Variants in RNF180 observed in about 807,000 individuals in gnomAD.
The protein encoded by RNF180 is ring finger protein 180, also known as E3 ubiquitin-protein ligase RNF180.
RNF180 carries 38 observed loss-of-function variants against 59.2 expected under a neutral mutation model. The observed-to-expected ratio is 0.64, with a 90% CI of 0.50 to 0.84. RNF180 has a LOEUF of 0.84. Among genes scored for constraint, RNF180 ranks in the 40% least tolerant of loss-of-function variants. The probability of loss-of-function intolerance (pLI) is 0.00; values close to 1 mark genes in which losing one functional copy is unlikely to be tolerated. For missense variants in RNF180, 705 were observed against 700.9 expected (o/e 1.01, Z -0.07); for synonymous variants, 262 against 240.3 (o/e 1.09, Z -0.84).
intron 5 of RNF180, among the ~76,000 whole-genome samples, chr5:64,271,722 A>G (rs1434792961): frequency 6.6e-6 from 1 of 152,084 alleles, no homozygotes; most frequent in Non-Finnish European, 1.5e-5. Flanking sequence ...GCCATAATAT[A>G]TCTCAAGATT....
intron 7 of RNF180, among the ~76,000 whole-genome samples, chr5:64,363,720 A>G (rs72752864): frequency 6.6e-6 from 1 of 151,810 alleles, no homozygotes; most frequent in Non-Finnish European, 1.5e-5. Flanking sequence ...TAGCCATCAC[A>G]TGGAATGTTT....
chr5:64,224,134 A>G (rs751399784), intron 5 of RNF180, among the ~76,000 whole-genome samples: 23 of 151,164 alleles, frequency 1.5e-4, no homozygotes, highest in Admixed American at 6.6e-4. Context: ...AAGTTATTCC[A>G]GGGTCAAAAA....
At chr5:64,350,442 G>A (rs1169122984) in intron 7 of RNF180, among the ~76,000 whole-genome samples, 2 of 152,042 alleles carry the variant, frequency 1.3e-5, no homozygotes, top group Non-Finnish European at 2.9e-5. Context: ...TTTCGCTTTT[G>A]TTGCCATTGC....
chr5:64,202,224 T>G (rs1025204111), intron 2 of RNF180, among the ~76,000 whole-genome samples: 9 of 152,228 alleles, frequency 5.9e-5, no homozygotes, highest in African/African-American at 2.2e-4. Context: ...TGCTTGTTCT[T>G]TACATTCCTT....
intron 7 of RNF180, 74 bp downstream of exon 7, chr5:64,330,480 T>A (rs1372109433): frequency 4.5e-6 from 6 of 1,331,714 alleles, no homozygotes; most frequent in Non-Finnish European, 6.2e-6. Context: ...AACTTCCTGC[T>A]GTCTCAGAAA....
chr5:64,260,611 A>G (rs1383057287), intron 5 of RNF180, among the ~76,000 whole-genome samples: 2 of 152,116 alleles, frequency 1.3e-5, no homozygotes, highest in Non-Finnish European at 2.9e-5. Flanking sequence ...GGACTTGCCT[A>G]TTTCTCTCTG....
intron 7 of RNF180, among the ~76,000 whole-genome samples, chr5:64,335,246 T>C (rs1295969549): frequency 6.6e-6 from 1 of 152,154 alleles, no homozygotes; most frequent in Non-Finnish European, 1.5e-5. Context: ...TGACTTTTTT[T>C]CTGTTGGTTA....
chr5:64,237,431 A>G (rs771279808), intron 5 of RNF180, among the ~76,000 whole-genome samples: 3 of 152,004 alleles, frequency 2.0e-5, no homozygotes, highest in Admixed American at 6.5e-5. Flanking sequence ...TTGTACCCCA[A>G]TTGTATCTTG....
At chr5:64,270,861 A>C (rs2112351640) in intron 5 of RNF180, among the ~76,000 whole-genome samples, 1 of 152,248 alleles carries the variant, frequency 6.6e-6, no homozygotes, top group Middle Eastern at 3.4e-3. Flanking sequence ...AATTTTAATG[A>C]AAACAAGAAA....
In RNF180 at chr5:64,266,682, T is replaced by C. The variant is rs370102674; in HGVS notation, c.1227+49286T>C. Among the ~76,000 whole-genome samples the C allele has an allele frequency of 5.9e-5, 9 of 152,132 alleles. No individual in the cohort carries two copies. The East Asian group carries it at 7.7e-4, about 13-fold the overall frequency. ...GCTCTAAGCAGATTTTAAAAGAAAATCTTGTAACAATCAAAATTTAAATAA... is the reference window on the plus strand; with the variant it reads ...GCTCTAAGCAGATTTTAAAAGAAAACCTTGTAACAATCAAAATTTAAATAA... On this transcript the variant is annotated intron_variant, in intron 5 of 7. Coordinates refer to ENST00000389100, the MANE Select transcript of RNF180 (RefSeq NM_001113561.2).
intron 7 of RNF180, among the ~76,000 whole-genome samples, chr5:64,367,220 G>T (rs1372710365): frequency 6.6e-6 from 1 of 151,496 alleles, no homozygotes; most frequent in African/African-American, 2.4e-5. Context: ...GCTTAGGGGA[G>T]TCCTATACCT....
Position 64,244,380 on chromosome 5 carries a change from G to A in RNF180, c.1227+26984G>A, listed in dbSNP as rs537486393. 4.7e-5 allele frequency among the ~76,000 whole-genome samples: 7 copies of A among 149,392 alleles called. No individual in the cohort carries two copies. In the South Asian group the frequency reaches 1.1e-3, roughly 23 times the overall value. ...AATTGCTAACTAGAATAACAAGTTT[G>A]GAGAGGAACATAAATGACCTGATGG... On this transcript the variant is annotated intron_variant, in intron 5 of 7. Transcript: ENST00000389100.
At chr5:64,276,494 A>G (rs1741728929) in intron 5 of RNF180, among the ~76,000 whole-genome samples, 1 of 152,024 alleles carries the variant, frequency 6.6e-6, no homozygotes, top group Non-Finnish European at 1.5e-5. Flanking sequence ...TGACCTCTTT[A>G]TTCTTTAAAG....
At chr5:64,288,136 C>T (rs113997084) in intron 5 of RNF180, among the ~76,000 whole-genome samples, 242 of 152,240 alleles carry the variant, frequency 1.6e-3, no homozygotes, top group East Asian at 2.9e-3. Context: ...CCTGTTCTCC[C>T]GGCACCATTT....
At chr5:64,323,096 C>T (rs569023374) in intron 5 of RNF180, among the ~76,000 whole-genome samples, 1 of 152,256 alleles carries the variant, frequency 6.6e-6, no homozygotes, top group Non-Finnish European at 1.5e-5. Flanking sequence ...CATAGATTAA[C>T]AGTTTTAAGG....
intron 1 of RNF180, among the ~76,000 whole-genome samples, chr5:64,196,280 A>G (rs1751454290): frequency 6.6e-6 from 1 of 152,090 alleles, no homozygotes; most frequent in South Asian, 2.1e-4. Context: ...AATTTGAATA[A>G]TAGGGCAAAT....
chr5:64,256,536 G>T (rs1015706308), intron 5 of RNF180, among the ~76,000 whole-genome samples: 2 of 151,946 alleles, frequency 1.3e-5, no homozygotes, highest in African/African-American at 4.8e-5. Context: ...ATTTCTGAGG[G>T]CTCTGTTCTG....
At chr5:64,218,056 C>T (rs1477468934) in intron 5 of RNF180, among the ~76,000 whole-genome samples, 1 of 151,690 alleles carries the variant, frequency 6.6e-6, no homozygotes, top group Non-Finnish European at 1.5e-5. Context: ...TAAATATTTT[C>T]TCTCAGTCTA....
chr5:64,235,689 A>C (rs1742393817), intron 5 of RNF180, among the ~76,000 whole-genome samples: 1 of 151,878 alleles, frequency 6.6e-6, no homozygotes, highest in Admixed American at 6.6e-5. Context: ...GTGGGAGGGG[A>C]TTACAGGGTG....
Sources: gnomAD v4.1 joint callset for allele counts (sites outside exome capture counted in the v4.1 genomes callset) on GRCh38, gnomAD v4.1.1 for gene constraint, MANE v1.5 for transcripts, NCBI Gene and HGNC (gene_info 2026-07-23, HGNC 2026-07-21) for gene names.